Variants in AHCYL1 observed in about 807,000 individuals in gnomAD.
AHCYL1 encodes adenosylhomocysteinase like 1, also known as S-adenosylhomocysteine hydrolase-like protein 1.
AHCYL1 carries 20 observed loss-of-function variants against 79.3 expected under a neutral mutation model. That is an observed-to-expected ratio of 0.25 (90% CI 0.18 to 0.37). The LOEUF is 0.37. Ranked by LOEUF, AHCYL1 falls within the 10% of genes least tolerant of loss-of-function variation. AHCYL1 has a pLI of 1.00. For missense variants in AHCYL1, 330 were observed against 673.6 expected, an observed-to-expected ratio of 0.49 and a Z score of 5.65; for synonymous variants, 223 against 242.2, an observed-to-expected ratio of 0.92 and a Z score of 0.74.
At position 110,021,714 on chromosome 1, in the gene AHCYL1, C is replaced by G. The variant is rs1651810803; in HGVS notation, c.*34C>G. The G allele has an allele frequency of 6.3e-7, 1 of 1,599,190 alleles. No homozygotes were observed. Among genetic ancestry groups the G allele is most frequent in the South Asian group, 1.1e-5 (1 of 89,954 alleles). Reference sequence around the variant, plus strand: ...ACTACCAAGGACCAGTCCACCTGAACCACACACTCTAAAGAAATATTTTTT... The same window carrying G: ...ACTACCAAGGACCAGTCCACCTGAAGCACACACTCTAAAGAAATATTTTTT... On this transcript the variant is annotated 3_prime_UTR_variant, in exon 17 of 17. Coordinates refer to ENST00000369799, the MANE Select transcript of AHCYL1 (RefSeq NM_006621.7).
intron 1 of AHCYL1, chr1:110,004,432 T>C (rs1158289924): frequency 3.0e-6 from 3 of 985,426 alleles, no homozygotes; most frequent in East Asian, 2.3e-4. Context: ...ATTGATTCCC[T>C]TGAGATAAGT....
intron 2 of AHCYL1, 26 bp from the exon 3 acceptor site, chr1:110,011,188 C>CTT: frequency 6.2e-7 from 1 of 1,611,376 alleles, no homozygotes. Flanking sequence ...TTTTTCTATC[C>CTT]TTGTTTTTTT....
intron 4 of AHCYL1, 66 bp downstream of exon 4, chr1:110,012,528 TCAC>T (rs1327693942): frequency 1.5e-6 from 2 of 1,298,536 alleles, no homozygotes; most frequent in Non-Finnish European, 2.1e-6. Context: ...TTTTTTTTTT[TCAC>T]TTTTCCTTTC....
At chr1:109,985,528 G>A in intron 1 of AHCYL1, 1 of 1,003,210 alleles carries the variant, frequency 1.0e-6, no homozygotes, top group Non-Finnish European at 1.2e-6. Flanking sequence ...GGGGTGTACA[G>A]AAAATCTCCC....
At position 110,018,670 on chromosome 1, in the gene AHCYL1, C is replaced by G. The variant is rs780729514; in HGVS notation, c.1317+20C>G. 78 of 1,604,142 alleles carry G rather than the reference C, an allele frequency of 4.9e-5. No individual in the cohort carries two copies. The highest frequency in any genetic ancestry group is 6.8e-6 in the Non-Finnish European group (8 of 1,173,966). Reference sequence around the variant, plus strand: ...GCAGAGGTACACACAGAGAAGGACCCTGGCAGAGCAGCACAAGCAGAGTAG... The same window carrying G: ...GCAGAGGTACACACAGAGAAGGACCGTGGCAGAGCAGCACAAGCAGAGTAG... On this transcript the variant is annotated intron_variant, in intron 13 of 16. Transcript: ENST00000369799.
chr1:110,004,738 C>A (rs1169489644), intron 1 of AHCYL1, among the ~76,000 whole-genome samples: 1 of 151,558 alleles, frequency 6.6e-6, no homozygotes, highest in African/African-American at 2.4e-5. Flanking sequence ...ATAGTGAGAC[C>A]CTGTCTCTTT....
chr1:109,985,039 G>A lies in AHCYL1; in HGVS notation c.-14G>A, dbSNP rs373119018. 13 of 1,552,256 alleles carry A rather than the reference G, an allele frequency of 8.4e-6. No homozygotes were observed. The highest frequency in any genetic ancestry group is 3.8e-5 in the Admixed American group (2 of 52,160). The stretch of plus-strand genomic sequence containing the variant: ...GGGGGCGGCGGGTCAGCCGCTGGCC[G>A]GGCCGGCCGGGGAATGTCGATGCCT... On this transcript the variant is annotated 5_prime_UTR_variant, in exon 1 of 17. Coordinates refer to ENST00000369799, the MANE Select transcript of AHCYL1 (RefSeq NM_006621.7).
At chr1:110,005,931 C>T (rs1219834520) in intron 1 of AHCYL1, among the ~76,000 whole-genome samples, 1 of 147,354 alleles carries the variant, frequency 6.8e-6, no homozygotes, top group Non-Finnish European at 1.6e-5. Context: ...GCATATACCC[C>T]AAATTATTCG....
In AHCYL1 at chr1:109,985,596, G is replaced by C. The variant is rs74117305; in HGVS notation, c.120+424G>C. 2,636 of 972,254 alleles carry C rather than the reference G, an allele frequency of 2.7e-3. 61 individuals carry two copies. In the African/African-American group the frequency reaches 0.042, roughly 16 times the overall value. The allele number at this position is 972,254 out of a possible 1,614,324, so 60.2% of individuals were successfully genotyped here. ...CATCAAATCTTTGGGAGCAGTGGCCGCTTTATCCAACAACTGCGTGATAGC... is the reference window on the plus strand; with the variant it reads ...CATCAAATCTTTGGGAGCAGTGGCCCCTTTATCCAACAACTGCGTGATAGC... On this transcript the variant is annotated intron_variant, in intron 1 of 16. Transcript: ENST00000369799.
rs940323343 is a variant in AHCYL1, at chr1:110,015,288, A to C, written c.676-137A>C. 4.2e-6 allele frequency: 3 copies of C among 722,228 alleles called. No individual in the cohort carries two copies. The African/African-American group carries it at 5.3e-5, about 13-fold the overall frequency. 44.7% of individuals were successfully genotyped at this position (722,228 alleles called of 1,614,324 possible). A position where few individuals can be genotyped will look rare whatever the true frequency, so the allele number is the denominator to read the frequency against. On this transcript the variant is annotated intron_variant, in intron 6 of 16. Coordinates refer to ENST00000369799, the MANE Select transcript of AHCYL1 (RefSeq NM_006621.7). ...AAATTTGACTGTATTTCCACTCTCTAAGCCTGCTCTAGGGAGCTCTGAGGA... is the reference window on the plus strand; with the variant it reads ...AAATTTGACTGTATTTCCACTCTCTCAGCCTGCTCTAGGGAGCTCTGAGGA...
intron 11 of AHCYL1, 43 bp from the exon 12 acceptor site, chr1:110,018,330 T>C (rs1170788104): frequency 6.3e-7 from 1 of 1,591,112 alleles, no homozygotes; most frequent in Admixed American, 1.7e-5. Flanking sequence ...AGTACCTTTG[T>C]TGCCCGGCAT....
At chr1:110,013,802 C>CTTTTTTTTTTTTTTTTTTTAT (rs151045613) in intron 5 of AHCYL1, among the ~76,000 whole-genome samples, 1 of 142,170 alleles carries the variant, frequency 7.0e-6, no homozygotes. Flanking sequence ...ATCTTTCTTT[C>CTTTTTTTTTTTTTTTTTTTAT]TTTTTTTTTT....
Position 109,984,824 on chromosome 1 carries a change from G to T in AHCYL1, c.-229G>T, listed in dbSNP as rs1178247642. ...CGGCGCGGGCAGGTCGGAGCTCGGAGCTGCTGTTCTGGTTCTCTTGTGGCC... is the reference window on the plus strand; with the variant it reads ...CGGCGCGGGCAGGTCGGAGCTCGGATCTGCTGTTCTGGTTCTCTTGTGGCC... On this transcript the variant is annotated 5_prime_UTR_variant, in exon 1 of 17. Coordinates refer to ENST00000369799, the MANE Select transcript of AHCYL1 (RefSeq NM_006621.7). 5 of 360,734 alleles carry T rather than the reference G, an allele frequency of 1.4e-5. No individual in the cohort carries two copies. Among genetic ancestry groups the T allele is most frequent in the Non-Finnish European group, 1.5e-5 (4 of 271,276 alleles). 22.3% of individuals were successfully genotyped at this position (360,734 alleles called of 1,614,324 possible). A position where few individuals can be genotyped will look rare whatever the true frequency, so the allele number is the denominator to read the frequency against.
At chr1:109,990,339 T>G (rs1649688379) in intron 1 of AHCYL1, among the ~76,000 whole-genome samples, 1 of 152,088 alleles carries the variant, frequency 6.6e-6, no homozygotes, top group Non-Finnish European at 1.5e-5. Context: ...ATTAGTGGGG[T>G]TTTTTTGTAC....
At chr1:109,992,818 A>G (rs546122952) in intron 1 of AHCYL1, among the ~76,000 whole-genome samples, 2 of 152,202 alleles carry the variant, frequency 1.3e-5, no homozygotes, top group Non-Finnish European at 2.9e-5. Context: ...GCACAAAAAT[A>G]TGCGTATTCT....
At chr1:110,014,931 A>C in intron 6 of AHCYL1, 74 bp downstream of exon 6, 2 of 1,417,646 alleles carry the variant, frequency 1.4e-6, no homozygotes, top group Non-Finnish European at 2.0e-6. Context: ...ATGGTTCCCT[A>C]AATATGTTTT....
intron 1 of AHCYL1, among the ~76,000 whole-genome samples, chr1:110,003,736 G>A (rs1650462550): frequency 6.6e-6 from 1 of 152,156 alleles, no homozygotes; most frequent in South Asian, 2.1e-4. Context: ...GTAGGTAGTA[G>A]ATAGCTAAAT....
At chr1:110,021,592 G>A (rs397017) in intron 16 of AHCYL1, 82 bp from the exon 17 acceptor site, 2 of 1,439,982 alleles carry the variant, frequency 1.4e-6, no homozygotes, top group Non-Finnish European at 1.9e-6. Flanking sequence ...GGGCCCTGGA[G>A]AAGGTGCTCT....
intron 1 of AHCYL1, among the ~76,000 whole-genome samples, chr1:109,995,105 C>G (rs909370966): frequency 6.6e-6 from 1 of 152,100 alleles, no homozygotes; most frequent in Non-Finnish European, 1.5e-5. Context: ...TTGAGGTTGG[C>G]AAAGGCTGGG....
Sources: gnomAD v4.1 joint callset for allele counts (sites outside exome capture counted in the v4.1 genomes callset) on GRCh38, gnomAD v4.1.1 for gene constraint, MANE v1.5 for transcripts, NCBI Gene and HGNC (gene_info 2026-07-23, HGNC 2026-07-21) for gene names.